EPM2A: variants seen among roughly 807,000 people sequenced by gnomAD.
EPM2A encodes laforin.
EPM2A carries 21 observed loss-of-function variants against 26.5 expected under a neutral mutation model. The observed-to-expected ratio is 0.79, with a 90% CI of 0.56 to 1.14. The LOEUF is 1.14. EPM2A is among the 50% of genes most tolerant of loss of function. The probability of loss-of-function intolerance (pLI) is 0.00; values close to 1 mark genes in which losing one functional copy is unlikely to be tolerated. For missense variants in EPM2A, 458 were observed against 440.8 expected, an observed-to-expected ratio of 1.04 and a Z score of -0.35; for synonymous variants, 217 against 177.6, an observed-to-expected ratio of 1.22 and a Z score of -1.76.
intron 4 of EPM2A, among the ~76,000 whole-genome samples, chr6:145,469,695 G>C (rs955897473): frequency 2.6e-5 from 4 of 152,088 alleles, no homozygotes; most frequent in Admixed American, 2.0e-4. Flanking sequence ...AAGCAAATCA[G>C]TATATTGAAG....
chr6:145,573,325 T>A (rs961331169), intron 2 of EPM2A, among the ~76,000 whole-genome samples: 6 of 152,214 alleles, frequency 3.9e-5, no homozygotes, highest in Admixed American at 1.3e-4. Context: ...TCTGGTGGGC[T>A]TTATGGACAG....
At chr6:145,583,202 T>A (rs1781138898) in intron 2 of EPM2A, among the ~76,000 whole-genome samples, 1 of 152,208 alleles carries the variant, frequency 6.6e-6, no homozygotes, top group Non-Finnish European at 1.5e-5. Flanking sequence ...GTGGAACTAG[T>A]GTGGTCATTT....
downstream of EPM2A, among the ~76,000 whole-genome samples, chr6:145,498,824 C>A (rs1448396399): frequency 6.6e-6 from 1 of 152,230 alleles, no homozygotes; most frequent in African/African-American, 2.4e-5. Flanking sequence ...CTTGGCCCCA[C>A]TCCATCAGAG....
intron 2 of EPM2A, among the ~76,000 whole-genome samples, chr6:145,608,628 C>T (rs77255602): frequency 1.3e-3 from 202 of 152,280 alleles, no homozygotes; most frequent in African/African-American, 4.7e-3. Flanking sequence ...TCAGTTCAAC[C>T]CATTTTTAAA....
At chr6:145,728,230 G>A (rs960144008) in intron 1 of EPM2A, among the ~76,000 whole-genome samples, 31 of 152,164 alleles carry the variant, frequency 2.0e-4, no homozygotes, top group Non-Finnish European at 1.3e-4. Flanking sequence ...CTGGTTCTGG[G>A]AAGAGGTGCA....
At chr6:145,710,306 C>T (rs559821418) in intron 1 of EPM2A, among the ~76,000 whole-genome samples, 5 of 152,182 alleles carry the variant, frequency 3.3e-5, no homozygotes, top group South Asian at 2.1e-4. Flanking sequence ...AACAAGTAGG[C>T]GAAGGATATC....
At chr6:145,515,097 G>A (rs1459105509) in intron 2 of EPM2A, among the ~76,000 whole-genome samples, 2 of 152,216 alleles carry the variant, frequency 1.3e-5, no homozygotes, top group Admixed American at 6.5e-5. Flanking sequence ...GATGGATCTT[G>A]CAGTATAGAG....
intron 1 of EPM2A, among the ~76,000 whole-genome samples, chr6:145,700,169 G>C (rs753632757): frequency 7.2e-5 from 11 of 151,740 alleles, no homozygotes; most frequent in South Asian, 2.1e-4. Flanking sequence ...ATTAAAATGT[G>C]CCATCTCTGT....
intron 2 of EPM2A, among the ~76,000 whole-genome samples, chr6:145,618,429 C>T (rs1775561133): frequency 6.6e-6 from 1 of 152,146 alleles, no homozygotes; most frequent in African/African-American, 2.4e-5. Flanking sequence ...TTGGTTGTGT[C>T]CCCACCCAAA....
At chr6:145,464,750 T>C (rs921259601) in intron 4 of EPM2A, among the ~76,000 whole-genome samples, 2 of 152,204 alleles carry the variant, frequency 1.3e-5, no homozygotes, top group African/African-American at 4.8e-5. Flanking sequence ...TTTAAATTGT[T>C]ATATAGGTAG....
chr6:145,392,599 C>T (rs1778352510), intron 4 of EPM2A, among the ~76,000 whole-genome samples: 3 of 152,122 alleles, frequency 2.0e-5, no homozygotes, highest in African/African-American at 4.8e-5. Context: ...CAGGGGGCCA[C>T]CAGGCAGTAG....
intron 1 of EPM2A, among the ~76,000 whole-genome samples, chr6:145,724,910 A>G (rs970377904): frequency 1.3e-5 from 2 of 152,062 alleles, no homozygotes; most frequent in African/African-American, 4.8e-5. Context: ...GAGAAAAACT[A>G]GACGCCCTTG....
At chr6:145,583,808 G>A (rs145106727) in intron 2 of EPM2A, among the ~76,000 whole-genome samples, 3 of 152,376 alleles carry the variant, frequency 2.0e-5, no homozygotes, top group Admixed American at 6.5e-5. Context: ...GCCTGTATCC[G>A]TGCACACATT....
At chr6:145,393,432 CAAAA>C (rs34904009) in intron 4 of EPM2A, among the ~76,000 whole-genome samples, 1 of 147,098 alleles carries the variant, frequency 6.8e-6, no homozygotes, top group African/African-American at 2.5e-5. Context: ...AAATGTGGCT[CAAAA>C]AAAAAAATCC....
intron 1 of EPM2A, among the ~76,000 whole-genome samples, chr6:145,688,742 G>A (rs868825784): frequency 6.6e-6 from 1 of 152,268 alleles, no homozygotes; most frequent in South Asian, 2.1e-4. Flanking sequence ...AACAGCCAGC[G>A]AGAGAAGGAT....
intron 2 of EPM2A, among the ~76,000 whole-genome samples, chr6:145,526,920 C>T (rs767795714): frequency 1.3e-5 from 2 of 151,556 alleles, no homozygotes; most frequent in African/African-American, 2.4e-5. Context: ...GCAGGTGTTT[C>T]GTGCTGTCAA....
intron 1 of EPM2A, among the ~76,000 whole-genome samples, chr6:145,712,651 T>G (rs981538552): frequency 6.6e-6 from 1 of 152,288 alleles, no homozygotes; most frequent in Admixed American, 6.5e-5. Flanking sequence ...AAAAAAATGA[T>G]AGCATCTGCT....
At chr6:145,415,958 A>G (rs1778702466) in intron 4 of EPM2A, among the ~76,000 whole-genome samples, 1 of 152,172 alleles carries the variant, frequency 6.6e-6, no homozygotes, top group African/African-American at 2.4e-5. Context: ...GGACACAGTC[A>G]TATGCTTCTT....
intron 2 of EPM2A, among the ~76,000 whole-genome samples, chr6:145,571,214 A>T (rs1280276): frequency 2.6e-5 from 4 of 151,962 alleles, no homozygotes; most frequent in Admixed American, 6.6e-5. Context: ...GCTGATTCAG[A>T]GCATACACGG....
Sources: gnomAD v4.1 joint callset for allele counts (sites outside exome capture counted in the v4.1 genomes callset) on GRCh38, gnomAD v4.1.1 for gene constraint, MANE v1.5 for transcripts, NCBI Gene and HGNC (gene_info 2026-07-23, HGNC 2026-07-21) for gene names.